Variants in CERS6 observed in about 807,000 individuals in gnomAD.
CERS6 encodes the protein ceramide synthase 6.
Under a neutral mutation model 56.8 loss-of-function variants are expected in CERS6, and 26 were observed. That is an observed-to-expected ratio of 0.46 (90% CI 0.34 to 0.63). The LOEUF is 0.63. Among genes scored for constraint, CERS6 ranks in the 30% least tolerant of loss-of-function variants. CERS6 has a pLI of 0.01. For synonymous variants in CERS6, 164 were observed against 173.3 expected (o/e 0.95, Z 0.42); for missense variants, 415 against 467.5 (o/e 0.89, Z 1.04).
chr2:168,770,084 A>G lies in CERS6; in HGVS notation c.*422A>G, dbSNP rs1015064435. The stretch of plus-strand genomic sequence containing the variant: ...GCTTACTTTGTCACTTAGAGCAAGC[A>G]AAACCCAGTGCAAGAGTCTCGTTCA... On this transcript the variant is annotated 3_prime_UTR_variant, in exon 10 of 10. Transcript: ENST00000305747. 1.0e-5 allele frequency: 2 copies of G among 197,122 alleles called. No individual in the cohort carries two copies. The highest frequency in any genetic ancestry group is 2.0e-5 in the Non-Finnish European group (2 of 98,454). 12.2% of individuals were successfully genotyped at this position (197,122 alleles called of 1,614,324 possible).
At chr2:168,758,416 AATT>A (rs1684473838) in intron 8 of CERS6, among the ~76,000 whole-genome samples, 1 of 152,220 alleles carries the variant, frequency 6.6e-6, no homozygotes, top group African/African-American at 2.4e-5. Context: ...ACTTGGGTCT[AATT>A]ATTATTGTGG....
intron 3 of CERS6, among the ~76,000 whole-genome samples, chr2:168,625,437 T>C (rs1474230387): frequency 6.6e-6 from 1 of 152,238 alleles, no homozygotes; most frequent in East Asian, 1.9e-4. Context: ...GGTGTAAATA[T>C]ACTTAAAAGT....
At chr2:168,724,490 C>A (rs1683285047) in intron 8 of CERS6, among the ~76,000 whole-genome samples, 1 of 152,110 alleles carries the variant, frequency 6.6e-6, no homozygotes, top group Admixed American at 6.5e-5. Flanking sequence ...ATTGGTAGAG[C>A]CGAGTGGTCT....
At chr2:168,752,307 GTGTGTGTGTGTA>G (rs1477781441) in intron 8 of CERS6, among the ~76,000 whole-genome samples, 16 of 146,994 alleles carry the variant, frequency 1.1e-4, no homozygotes, top group African/African-American at 3.0e-4. Context: ...GTGTGTGTGT[GTGTGTGTGTGTA>G]TAGAGAGAGA....
chr2:168,582,649 A>C (rs989439337), intron 3 of CERS6, among the ~76,000 whole-genome samples: 9 of 152,172 alleles, frequency 5.9e-5, no homozygotes, highest in Admixed American at 2.6e-4. Flanking sequence ...TAGAATTTTC[A>C]TACACCTTTA....
At chr2:168,567,002 A>T (rs1389451381) in intron 3 of CERS6, among the ~76,000 whole-genome samples, 1 of 152,194 alleles carries the variant, frequency 6.6e-6, no homozygotes, top group Admixed American at 6.5e-5. Flanking sequence ...AGAAACTATT[A>T]TCTTCTAGAG....
At chr2:168,478,106 G>C (rs376150337) in intron 1 of CERS6, among the ~76,000 whole-genome samples, 1 of 150,536 alleles carries the variant, frequency 6.6e-6, no homozygotes, top group South Asian at 2.1e-4. Context: ...TTTTTTGTTT[G>C]TTTGCTTTGT....
chr2:168,736,614 G>A (rs1036064400), intron 8 of CERS6, among the ~76,000 whole-genome samples: 3 of 152,236 alleles, frequency 2.0e-5, no homozygotes, highest in Non-Finnish European at 4.4e-5. Context: ...GTGGGCCTTA[G>A]ATAAGGGTAC....
chr2:168,573,612 A>G (rs934391798), intron 3 of CERS6, among the ~76,000 whole-genome samples: 4 of 152,096 alleles, frequency 2.6e-5, no homozygotes, highest in Non-Finnish European at 4.4e-5. Flanking sequence ...AGTGTTTATC[A>G]TTGTTCTAGG....
intron 3 of CERS6, among the ~76,000 whole-genome samples, chr2:168,621,064 G>C (rs1015515189): frequency 2.0e-5 from 3 of 152,090 alleles, no homozygotes; most frequent in African/African-American, 7.2e-5. Context: ...GAAAACTTAA[G>C]AACTTTGGCT....
intron 4 of CERS6, among the ~76,000 whole-genome samples, chr2:168,668,444 C>CTTTTTTTT (rs71397660): frequency 4.5e-5 from 6 of 132,320 alleles, no homozygotes; most frequent in Non-Finnish European, 7.8e-5. Flanking sequence ...CCAACTCTAT[C>CTTTTTTTT]TTTTTTTTTT....
At chr2:168,564,376 C>T (rs193048617) in intron 3 of CERS6, among the ~76,000 whole-genome samples, 2 of 152,208 alleles carry the variant, frequency 1.3e-5, no homozygotes, top group Admixed American at 6.5e-5. Context: ...CCATTATAGC[C>T]CAATATGCTT....
chr2:168,581,316 G>A (rs942719891), intron 3 of CERS6, among the ~76,000 whole-genome samples: 1 of 152,126 alleles, frequency 6.6e-6, no homozygotes, highest in African/African-American at 2.4e-5. Context: ...ACCATGCCTG[G>A]CCCAATTGCT....
rs144083599 is a variant in CERS6 at position 168,577,892 on chromosome 2, G to T, written c.407+16570G>T. On this transcript the variant is annotated intron_variant, in intron 3 of 9. Coordinates refer to ENST00000305747, the MANE Select transcript of CERS6 (RefSeq NM_203463.3). ...TTCTTTGTTTGGCCTATCTGCATGT[G>T]GGTGGCAGATAGTGAGGGCGAGGGA... 2.8e-3 allele frequency among the ~76,000 whole-genome samples: 422 copies of T among 152,316 alleles called. 5 individuals carry two copies. The highest frequency in any genetic ancestry group is 9.2e-3 in the African/African-American group (384 of 41,576).
At chr2:168,718,660 C>T (rs769273165) in intron 8 of CERS6, among the ~76,000 whole-genome samples, 1 of 152,126 alleles carries the variant, frequency 6.6e-6, no homozygotes, top group African/African-American at 2.4e-5. Context: ...TGAAGAAAAA[C>T]GTTGACCAAG....
chr2:168,717,109 A>T (rs951640829), intron 7 of CERS6, among the ~76,000 whole-genome samples: 1 of 152,156 alleles, frequency 6.6e-6, no homozygotes, highest in Non-Finnish European at 1.5e-5. Flanking sequence ...AGAGAAAGGG[A>T]TGTGATTTCT....
At chr2:168,580,151 T>G (rs574504374) in intron 3 of CERS6, among the ~76,000 whole-genome samples, 55 of 152,342 alleles carry the variant, frequency 3.6e-4, no homozygotes, top group African/African-American at 1.3e-3. Context: ...AGATAACATA[T>G]GGTGGGATTT....
intron 4 of CERS6, among the ~76,000 whole-genome samples, chr2:168,663,209 T>G (rs2105330648): frequency 6.6e-6 from 1 of 152,312 alleles, no homozygotes; most frequent in South Asian, 2.1e-4. Flanking sequence ...ATGTATTTTT[T>G]TCTTTTTCCA....
At chr2:168,558,297 G>GT (rs1695719265) in intron 2 of CERS6, among the ~76,000 whole-genome samples, 1 of 152,132 alleles carries the variant, frequency 6.6e-6, no homozygotes, top group Non-Finnish European at 1.5e-5. Context: ...AATGGCCCAG[G>GT]TAAGGTTATT....
Sources: allele counts gnomAD v4.1 joint callset (sites outside exome capture counted in the v4.1 genomes callset), GRCh38; gene constraint gnomAD v4.1.1; transcripts MANE v1.5; gene names NCBI Gene and HGNC (gene_info 2026-07-23, HGNC 2026-07-21).